The following CPN1 variants were observed in gnomAD, a reference collection of about 807,000 sequenced individuals.
CPN1 encodes the protein carboxypeptidase N subunit 1, also known as carboxypeptidase N catalytic chain.
In CPN1, 37 loss-of-function variants were observed where a neutral mutation model predicts 46.4. The observed-to-expected ratio is 0.80, with a 90% confidence interval of 0.61 to 1.05. CPN1 has a LOEUF of 1.05. Ranked by LOEUF, CPN1 falls within the 50% of genes least tolerant of loss-of-function variation. The pLI is 0.00. For missense variants in CPN1, 563 were observed against 602.6 expected (o/e 0.93, Z 0.69); for synonymous variants, 224 against 235.4 (o/e 0.95, Z 0.44).
chr10:100,066,828 G>T (rs1411162291), intron 3 of CPN1, among the ~76,000 whole-genome samples: 1 of 152,178 alleles, frequency 6.6e-6, no homozygotes, highest in Non-Finnish European at 1.5e-5. Context: ...AATTGCGAGG[G>T]CACCAGTCTT....
At chr10:100,075,291 A>G (rs1329051762) in intron 2 of CPN1, among the ~76,000 whole-genome samples, 3 of 152,216 alleles carry the variant, frequency 2.0e-5, no homozygotes, top group East Asian at 3.8e-4. Flanking sequence ...CTCTATCCCA[A>G]AAAAAGAAAG....
rs529639347 is a variant in CPN1, at chr10:100,054,610, A to C, written c.1012-164T>G. Among the ~76,000 whole-genome samples the C allele has an allele frequency of 1.7e-4, 26 of 152,232 alleles. No individual in the cohort carries two copies. The South Asian group carries it at 5.2e-3, about 30-fold the overall frequency. On this transcript the variant is annotated intron_variant, in intron 6 of 8. Transcript: ENST00000370418. ...CTTTGCCTCTCTCCCTGCCCCAATTAATCTCTTCGCAATTAGAGTGGTCAG... is the reference window on the plus strand; with the variant it reads ...CTTTGCCTCTCTCCCTGCCCCAATTCATCTCTTCGCAATTAGAGTGGTCAG...
chr10:100,077,226 CCTTT>C (rs1415733194), intron 1 of CPN1, among the ~76,000 whole-genome samples: 9 of 137,116 alleles, frequency 6.6e-5, no homozygotes, highest in African/African-American at 2.4e-4. Flanking sequence ...CCCGGTTTTA[CCTTT>C]TTTTTTTTTT....
chr10:100,076,153 T>C, intron 1 of CPN1, 46 bp from the exon 2 acceptor site: 1 of 1,579,190 alleles, frequency 6.3e-7, no homozygotes, highest in Middle Eastern at 1.7e-4. Context: ...GTGTCATTGA[T>C]GCCTAACCTT....
In CPN1 at chr10:100,069,769, T is replaced by G. The variant is rs576303568; in HGVS notation, c.521A>C (p.Glu174Ala). The G allele has an allele frequency of 6.2e-7, 1 of 1,613,818 alleles. No individual in the cohort carries two copies. Among genetic ancestry groups the G allele is most frequent in the South Asian group, 1.1e-5 (1 of 91,074 alleles). The change falls in exon 3 of 9, where the codon GAG becomes GCG. Residue 174 changes from glutamate to alanine, a missense_variant. Coordinates refer to ENST00000370418, the MANE Select transcript of CPN1 (RefSeq NM_001308.3). ...GTGGTGGTTGGGGCCTCCGTACTTC[T>G]CGTTATAGTAGATATAGGTATTGAG... ...PDLNTYIYYN[E>A]KYGGPNHHLP... is the part of the protein sequence containing the mutation.
At chr10:100,051,793 C>A (rs1310995766) in intron 7 of CPN1, among the ~76,000 whole-genome samples, 2 of 151,884 alleles carry the variant, frequency 1.3e-5, no homozygotes, top group Admixed American at 1.3e-4. Context: ...CCTCCCAAAG[C>A]GCTGGGATTA....
chr10:100,043,109 AG>A (rs1304622711), intron 8 of CPN1, among the ~76,000 whole-genome samples: 19 of 145,698 alleles, frequency 1.3e-4, no homozygotes, highest in Non-Finnish European at 2.7e-4. Flanking sequence ...AAAAAAAAAA[AG>A]AAAAAAATTA....
intron 4 of CPN1, 116 bp downstream of exon 4, chr10:100,065,072 G>A: frequency 1.6e-6 from 2 of 1,237,640 alleles, no homozygotes; most frequent in Non-Finnish European, 2.2e-6. Context: ...ACAAACAAGC[G>A]GTATTTTCAA....
chr10:100,059,177 A>C (rs2041403096), intron 5 of CPN1, among the ~76,000 whole-genome samples: 1 of 152,222 alleles, frequency 6.6e-6, no homozygotes, highest in Non-Finnish European at 1.5e-5. Flanking sequence ...AAAAGAAAAA[A>C]AATAACAGAT....
intron 3 of CPN1, among the ~76,000 whole-genome samples, chr10:100,067,190 A>G (rs1185314741): frequency 2.0e-5 from 3 of 152,068 alleles, no homozygotes; most frequent in Non-Finnish European, 4.4e-5. Flanking sequence ...CAGTGATGCC[A>G]TCTGCAACCT....
chr10:100,068,359 G>A (rs867851263), intron 3 of CPN1, among the ~76,000 whole-genome samples: 87 of 151,516 alleles, frequency 5.7e-4, no homozygotes, highest in Middle Eastern at 3.4e-3. Context: ...GACTGCAGGC[G>A]CCCGCCACCA....
At chr10:100,052,804 T>C (rs1397106111) in intron 7 of CPN1, among the ~76,000 whole-genome samples, 1 of 152,168 alleles carries the variant, frequency 6.6e-6, no homozygotes, top group Non-Finnish European at 1.5e-5. Context: ...CACCTGAGCC[T>C]GGAAGGTCAA....
chr10:100,078,577 G>A (rs1489773772), intron 1 of CPN1, among the ~76,000 whole-genome samples: 2 of 152,112 alleles, frequency 1.3e-5, no homozygotes, highest in African/African-American at 4.8e-5. Flanking sequence ...AGGCTTTGTG[G>A]GCCGTGATGT....
At chr10:100,071,833 T>A (rs1287800250) in intron 2 of CPN1, among the ~76,000 whole-genome samples, 1 of 152,220 alleles carries the variant, frequency 6.6e-6, no homozygotes. Context: ...TATGTGCAAA[T>A]ACTATGCCAT....
At position 100,081,662 on chromosome 10, in the gene CPN1, G is replaced by GC; in HGVS notation, c.-38dup. 6.4e-7 allele frequency: 1 copy of GC among 1,569,220 alleles called. No homozygotes were observed. Among genetic ancestry groups the GC allele is most frequent in the Non-Finnish European group, 8.7e-7 (1 of 1,143,348 alleles). On this transcript the variant is annotated 5_prime_UTR_variant, in exon 1 of 9. Transcript: ENST00000370418. ...TTTTCAAAGAGAGCCACTGAAACGC[G>GC]CCCCACCTCCTTAAACAACCTAGCC... is the stretch of plus-strand genomic sequence containing the variant.
chr10:100,061,396 G>A (rs933239257), intron 5 of CPN1, among the ~76,000 whole-genome samples: 34 of 152,162 alleles, frequency 2.2e-4, no homozygotes, highest in Admixed American at 2.0e-3. Context: ...AAATAAATAA[G>A]TAAATTGGTT....
chr10:100,043,549 G>C (rs1466693105), intron 8 of CPN1, among the ~76,000 whole-genome samples: 1 of 152,134 alleles, frequency 6.6e-6, no homozygotes, highest in Non-Finnish European at 1.5e-5. Context: ...GCCATGCTCA[G>C]GCATGCCAGT....
chr10:100,059,841 A>G (rs2041406981), intron 5 of CPN1, among the ~76,000 whole-genome samples: 1 of 152,216 alleles, frequency 6.6e-6, no homozygotes, highest in South Asian at 2.1e-4. Flanking sequence ...AAGCAACCCA[A>G]GTGTCCATTG....
At position 100,075,845 on chromosome 10, in the gene CPN1, G is replaced by A; in HGVS notation, c.420+66C>T. ...TACAGTGGGACAGAGAGGGAATCTTGTCCACTGGACTTTATTTCCTAAGAA... is the reference window on the plus strand; with the variant it reads ...TACAGTGGGACAGAGAGGGAATCTTATCCACTGGACTTTATTTCCTAAGAA... On this transcript the variant is annotated intron_variant, in intron 2 of 8. Coordinates refer to ENST00000370418, the MANE Select transcript of CPN1 (RefSeq NM_001308.3). 3 of 1,490,932 alleles carry A rather than the reference G, an allele frequency of 2.0e-6. No homozygotes were observed. In the South Asian group the frequency reaches 3.4e-5, roughly 17 times the overall value. The allele number at this position is 1,490,932 out of a possible 1,614,324, so 92.4% of individuals were successfully genotyped here.
Sources: allele counts gnomAD v4.1 joint callset (sites outside exome capture counted in the v4.1 genomes callset), GRCh38; gene constraint gnomAD v4.1.1; transcripts MANE v1.5; gene names NCBI Gene and HGNC (gene_info 2026-07-23, HGNC 2026-07-21).